Variants in TMC3 observed in about 807,000 individuals in gnomAD.
The protein encoded by TMC3 is transmembrane channel like 3, also known as transmembrane channel-like protein 3.
A neutral mutation model predicts 110.6 loss-of-function variants in TMC3; 98 were observed. The observed-to-expected ratio is 0.89, with a 90% CI of 0.75 to 1.05. The LOEUF (loss-of-function observed/expected upper bound fraction) is 1.05, where lower values mean the gene tolerates loss of function less well. Ranked by LOEUF, TMC3 falls within the 50% of genes least tolerant of loss-of-function variation. The probability of loss-of-function intolerance (pLI) is 0.00; values close to 1 mark genes in which losing one functional copy is unlikely to be tolerated. For synonymous variants in TMC3, 489 were observed against 513.1 expected, an observed-to-expected ratio of 0.95 and a Z score of 0.63; for missense variants, 1,319 against 1,373.2, an observed-to-expected ratio of 0.96 and a Z score of 0.62.
At chr15:81,339,270 G>T in intron 17 of TMC3, 124 bp downstream of exon 17, 1 of 727,802 alleles carries the variant, frequency 1.4e-6, no homozygotes, top group Non-Finnish European at 2.3e-6. Context: ...TTTAAAACAT[G>T]CGGGTTTGCA....
At chr15:81,334,392 T>C (rs1893544050) in intron 21 of TMC3, among the ~76,000 whole-genome samples, 1 of 152,180 alleles carries the variant, frequency 6.6e-6, no homozygotes, top group Admixed American at 6.5e-5. Flanking sequence ...AGGGCTAAAA[T>C]ATGGAAGATC....
At chr15:81,351,333 T>C (rs1893942772) in intron 10 of TMC3, among the ~76,000 whole-genome samples, 1 of 140,960 alleles carries the variant, frequency 7.1e-6, no homozygotes, top group Non-Finnish European at 1.5e-5. Flanking sequence ...TACTTTTCTG[T>C]GTCTCTCTCT....
intron 17 of TMC3, 89 bp from the exon 18 acceptor site, chr15:81,338,869 G>A (rs1056821313): frequency 7.0e-7 from 1 of 1,426,424 alleles, no homozygotes; most frequent in South Asian, 1.2e-5. Context: ...ATGCCTGGAG[G>A]CCAATTCATA....
intron 7 of TMC3, 105 bp from the exon 8 acceptor site, chr15:81,356,699 G>C (rs1289154375): frequency 7.8e-7 from 1 of 1,285,644 alleles, no homozygotes; most frequent in African/African-American, 1.5e-5. Context: ...GCACCCCTCT[G>C]GGTGGACGCA....
Position 81,332,243 on chromosome 15 carries a change from G to T in TMC3, c.*176C>A. On this transcript the variant is annotated 3_prime_UTR_variant, in exon 22 of 22. Coordinates refer to ENST00000359440, the MANE Select transcript of TMC3 (RefSeq NM_001080532.3). ...CGGATAAATTTGGCTAACAGTAGCT[G>T]TAGAATAGGTATCTGTAGCCCTGTC... 1 of 926,778 alleles carries T rather than the reference G, an allele frequency of 1.1e-6. No individual in the cohort carries two copies. The highest frequency in any genetic ancestry group is 1.5e-6 in the Non-Finnish European group (1 of 647,122). The allele number at this position is 926,778 out of a possible 1,614,324, so 57.4% of individuals were successfully genotyped here.
rs573558652 is a variant in TMC3 at position 81,332,503 on chromosome 15, G to A, written c.3219C>T (p.Ser1073=). 23 of 1,613,444 alleles carry A rather than the reference G, an allele frequency of 1.4e-5. No individual in the cohort carries two copies. The South Asian group carries it at 2.0e-4, about 14-fold the overall frequency. The change falls in exon 22 of 22, where the codon TCC becomes TCT. Residue 1073 remains serine (S), a synonymous_variant. Coordinates refer to ENST00000359440, the MANE Select transcript of TMC3 (RefSeq NM_001080532.3). ...VTHSQGRFPR[S]VGQPSRRKAK... ...CCTTCCTCCTGCTGGGCTGGCCCAC[G>A]GACCTCGGGAACCTGCCCTGGCTGT...
chr15:81,349,759 C>CTTTTTT (rs532576010), intron 10 of TMC3, among the ~76,000 whole-genome samples, 192 bp from the exon 11 acceptor site: 2 of 129,482 alleles, frequency 1.5e-5, no homozygotes, highest in African/African-American at 6.1e-5. Context: ...TTATCATGGT[C>CTTTTTT]TTTTTTTTTT....
At chr15:81,373,345 G>C (rs1894479299) in intron 1 of TMC3, among the ~76,000 whole-genome samples, 1 of 152,174 alleles carries the variant, frequency 6.6e-6, no homozygotes, top group Admixed American at 6.5e-5. Context: ...ATACTCTCAA[G>C]AGGAACAATT....
At chr15:81,350,222 G>A (rs1893918232) in intron 10 of TMC3, among the ~76,000 whole-genome samples, 1 of 152,186 alleles carries the variant, frequency 6.6e-6, no homozygotes, top group Non-Finnish European at 1.5e-5. Flanking sequence ...GCAACAGAGT[G>A]AAACCTTGAC....
chr15:81,351,739 C>G lies in TMC3; in HGVS notation c.1038G>C (p.Lys346Asn). Residue 346 changes from lysine to asparagine, a missense_variant, in exon 10 of 22, where the codon AAG becomes AAC. Coordinates refer to ENST00000359440, the MANE Select transcript of TMC3 (RefSeq NM_001080532.3). The stretch of plus-strand genomic sequence containing the variant: ...TCAGCTCCTTCTTCGACTGCTCCAG[C>G]TTCTGGGACCGGTCCACCACAAAGT... ...LIYFVVDRSQ[K>N]LEQSKKELTL... 2.5e-6 allele frequency: 4 copies of G among 1,579,238 alleles called. No homozygotes were observed. The highest frequency in any genetic ancestry group is 3.4e-6 in the Non-Finnish European group (4 of 1,162,708).
At chr15:81,337,647 C>G in intron 19 of TMC3, 199 bp downstream of exon 19, 1 of 625,706 alleles carries the variant, frequency 1.6e-6, no homozygotes, top group Non-Finnish European at 2.9e-6. Flanking sequence ...CAGGCTTCCT[C>G]CTAGCAAAGG....
At chr15:81,346,490 G>T (rs1276527446) in intron 11 of TMC3, 47 bp from the exon 12 acceptor site, 1 of 1,578,688 alleles carries the variant, frequency 6.3e-7, no homozygotes, top group African/African-American at 1.3e-5. Context: ...TGGCATAGAA[G>T]TCCGTGGTTC....
chr15:81,371,391 C>G (rs1431032168), intron 2 of TMC3, among the ~76,000 whole-genome samples: 2 of 152,198 alleles, frequency 1.3e-5, no homozygotes, highest in Admixed American at 1.3e-4. Context: ...GAAAGAAATG[C>G]AAGCCTAATA....
rs1343610248 is a variant in TMC3, at chr15:81,351,888, C to T, written c.936-47G>A. ...AGAACGGTACACAGGGTCCTGCTCA[C>T]AGCACCACGATGCAAAGACAACACT... On this transcript the variant is annotated intron_variant, in intron 9 of 21. Transcript: ENST00000359440. The T allele has an allele frequency of 2.5e-6, 4 of 1,595,438 alleles. No individual in the cohort carries two copies. The East Asian group carries it at 6.8e-5, about 27-fold the overall frequency.
chr15:81,365,682 A>G (rs1004716450), intron 3 of TMC3, among the ~76,000 whole-genome samples: 29 of 134,036 alleles, frequency 2.2e-4, no homozygotes, highest in African/African-American at 8.6e-4. Context: ...AAAAAAAAAA[A>G]AAAGAAAAAG....
rs778039668 is a variant in TMC3, at chr15:81,332,479, C to A, written c.3243G>T (p.Lys1081Asn). 2 of 1,612,954 alleles carry A rather than the reference C, an allele frequency of 1.2e-6. No homozygotes were observed. Among genetic ancestry groups the A allele is most frequent in the Non-Finnish European group, 1.7e-6 (2 of 1,179,528 alleles). ...CGGTCAGCTCCTGCCCCGACTTGGCCTTCCTCCTGCTGGGCTGGCCCACGG... is the reference window on the plus strand; with the variant it reads ...CGGTCAGCTCCTGCCCCGACTTGGCATTCCTCCTGCTGGGCTGGCCCACGG... ...PRSVGQPSRR[K>N]AKSGQELTVD... The change falls in exon 22 of 22, where the codon AAG becomes AAT. Residue 1081 changes from lysine (K) to asparagine (N), a missense_variant. Transcript: ENST00000359440.
intron 1 of TMC3, among the ~76,000 whole-genome samples, 173 bp from the exon 2 acceptor site, chr15:81,372,910 C>T (rs1225899945): frequency 7.5e-6 from 1 of 132,938 alleles, no homozygotes; most frequent in East Asian, 2.1e-4. Context: ...AAGTGAGGGA[C>T]CCACAGAAAC....
At chr15:81,337,703 G>A in intron 19 of TMC3, 143 bp downstream of exon 19, 1 of 706,168 alleles carries the variant, frequency 1.4e-6, no homozygotes, top group Non-Finnish European at 2.6e-6. Flanking sequence ...GGACATCTGG[G>A]GATTGGTGGC....
Position 81,339,389 on chromosome 15 carries a change from C to G in TMC3, c.1955+5G>C. ...ACTCCGGGCAGAGCTGGGAACGAAA[C>G]TTACCTGAATGGCCCACAGTTTAGA... On this transcript the variant is annotated splice_donor_5th_base_variant and intron_variant, in intron 17 of 21. Transcript: ENST00000359440. The G allele has an allele frequency of 6.2e-7, 1 of 1,604,876 alleles. No homozygotes were observed. The highest frequency in any genetic ancestry group is 8.5e-7 in the Non-Finnish European group (1 of 1,174,978).
Sources: gnomAD v4.1 joint callset for allele counts (sites outside exome capture counted in the v4.1 genomes callset) on GRCh38, gnomAD v4.1.1 for gene constraint, MANE v1.5 for transcripts, NCBI Gene and HGNC (gene_info 2026-07-23, HGNC 2026-07-21) for gene names.